VAV3: variants seen among roughly 807,000 people sequenced by gnomAD.
The protein encoded by VAV3 is vav guanine nucleotide exchange factor 3.
Under a neutral mutation model 131.2 loss-of-function variants are expected in VAV3, and 94 were observed. That is an observed-to-expected ratio of 0.72 (90% CI 0.61 to 0.85). The LOEUF (loss-of-function observed/expected upper bound fraction) is 0.85. Among genes scored for constraint, VAV3 ranks in the 40% least tolerant of loss-of-function variants. The pLI, the probability that VAV3 is intolerant of heterozygous loss-of-function variation, is 0.00. For synonymous variants in VAV3, 349 were observed against 342.0 expected (o/e 1.02, Z -0.22); for missense variants, 939 against 1,002.7 (o/e 0.94, Z 0.86).
At chr1:107,776,211 A>G (rs1366182095) in intron 4 of VAV3, among the ~76,000 whole-genome samples, 1 of 152,220 alleles carries the variant, frequency 6.6e-6, no homozygotes, top group Non-Finnish European at 1.5e-5. Context: ...GTTTTGACTT[A>G]TTAATTTGGA....
In VAV3 at chr1:107,705,015, T is replaced by TG. The variant is rs1378302831; in HGVS notation, c.1548dup (p.Lys517GlnfsTer30). Reference sequence around the variant, plus strand: ...GTGACTCGAGTGAAGGTATGCATCTTGAAGTCGTGGAAATTGGAGTCTGCA... The same window carrying TG: ...GTGACTCGAGTGAAGGTATGCATCTTGGAAGTCGTGGAAATTGGAGTCTGCA... On this transcript the variant is annotated frameshift_variant, in exon 16 of 27. Coordinates refer to ENST00000370056, the MANE Select transcript of VAV3 (RefSeq NM_006113.5). LOFTEE classifies it high-confidence loss of function. 1 of 1,613,886 alleles carries TG rather than the reference T, an allele frequency of 6.2e-7. No homozygotes were observed. The highest frequency in any genetic ancestry group is 8.5e-7 in the Non-Finnish European group (1 of 1,179,884).
chr1:107,926,157 G>A (rs1206969764), intron 1 of VAV3, among the ~76,000 whole-genome samples: 9 of 151,820 alleles, frequency 5.9e-5, no homozygotes, highest in East Asian at 1.9e-4. Context: ...TGGCAGGTGC[G>A]TGTAATACCA....
rs72977662 is a variant in VAV3 at position 107,705,551 on chromosome 1, G to T, written c.1503-490C>A. On this transcript the variant is annotated intron_variant, in intron 15 of 26. Coordinates refer to ENST00000370056, the MANE Select transcript of VAV3 (RefSeq NM_006113.5). Reference sequence around the variant, plus strand: ...TAGAAAGTTTTAAAATAAAGCATTAGTGTGAACATTAAAAAATTCTTAACA... The same window carrying T: ...TAGAAAGTTTTAAAATAAAGCATTATTGTGAACATTAAAAAATTCTTAACA... Among the ~76,000 whole-genome samples, 255 of 152,232 alleles carry T rather than the reference G, an allele frequency of 1.7e-3. 3 individuals are homozygous for T. Among genetic ancestry groups the T allele is most frequent in the Non-Finnish European group, 5.6e-4 (38 of 67,996 alleles).
intron 1 of VAV3, among the ~76,000 whole-genome samples, chr1:107,875,596 G>A (rs1048496642): frequency 2.6e-5 from 4 of 152,174 alleles, no homozygotes; most frequent in African/African-American, 9.6e-5. Context: ...GGGGGAAAAG[G>A]AGGAAAGATG....
chr1:107,590,400 G>C lies in VAV3; in HGVS notation c.2350+5812C>G. Among the ~76,000 whole-genome samples, 2 of 152,218 alleles carry C rather than the reference G, an allele frequency of 1.3e-5. 1 individual carries two copies. Among genetic ancestry groups the C allele is most frequent in the Non-Finnish European group, 2.9e-5 (2 of 68,004 alleles). On this transcript the variant is annotated intron_variant, in intron 25 of 26. Transcript: ENST00000370056. ...TACAATTGAGAATGACAAGCAAAGG[G>C]TCCTGGCTTCTAGGGCTCCAGCAAA... is the stretch of plus-strand genomic sequence containing the variant.
At chr1:107,688,229 T>A in intron 18 of VAV3, 152 bp downstream of exon 18, 1 of 992,952 alleles carries the variant, frequency 1.0e-6, no homozygotes, top group Non-Finnish European at 1.4e-6. Flanking sequence ...TTTTGCATTT[T>A]GTTCACAATC....
intron 8 of VAV3, among the ~76,000 whole-genome samples, chr1:107,765,671 C>A (rs1570920424): frequency 6.6e-6 from 1 of 152,128 alleles, no homozygotes; most frequent in Admixed American, 6.5e-5. Flanking sequence ...AAACGAGAGA[C>A]CTGAACTGTT....
At chr1:107,655,482 TA>T (rs1474092667) in intron 19 of VAV3, among the ~76,000 whole-genome samples, 2 of 152,048 alleles carry the variant, frequency 1.3e-5, no homozygotes, top group Non-Finnish European at 2.9e-5. Flanking sequence ...CAAACTATAT[TA>T]AAGACTTAAA....
chr1:107,908,928 A>G (rs1267091214), intron 1 of VAV3, among the ~76,000 whole-genome samples: 1 of 152,024 alleles, frequency 6.6e-6, no homozygotes, highest in African/African-American at 2.4e-5. Context: ...TCTCTACCTC[A>G]GCAAAATAAC....
intron 19 of VAV3, among the ~76,000 whole-genome samples, chr1:107,677,579 G>A (rs4915065): frequency 6.6e-6 from 1 of 151,992 alleles, no homozygotes; most frequent in Non-Finnish European, 1.5e-5. Context: ...ATAAATGTTC[G>A]AAGTAGCTCA....
At chr1:107,866,716 G>A (rs796702702) in intron 2 of VAV3, among the ~76,000 whole-genome samples, 19 of 151,250 alleles carry the variant, frequency 1.3e-4, no homozygotes, top group East Asian at 5.9e-4. Flanking sequence ...CCAGCTACTC[G>A]GGAGGCTGAG....
intron 2 of VAV3, among the ~76,000 whole-genome samples, chr1:107,825,286 A>G (rs1667964805): frequency 6.6e-6 from 1 of 152,130 alleles, no homozygotes; most frequent in South Asian, 2.1e-4. Flanking sequence ...GTATCATCAC[A>G]CTTATGGGTC....
At chr1:107,850,774 G>T (rs952249875) in intron 2 of VAV3, among the ~76,000 whole-genome samples, 1 of 151,854 alleles carries the variant, frequency 6.6e-6, no homozygotes, top group Non-Finnish European at 1.5e-5. Context: ...AATTTGTAGA[G>T]CCAGACTGAT....
At chr1:107,851,395 A>AG (rs1424185164) in intron 2 of VAV3, among the ~76,000 whole-genome samples, 4 of 135,836 alleles carry the variant, frequency 2.9e-5, no homozygotes, top group Non-Finnish European at 4.8e-5. Flanking sequence ...AAAAACACTC[A>AG]GAAAAAAAAA....
intron 1 of VAV3, among the ~76,000 whole-genome samples, chr1:107,888,699 TC>T (rs1239930309): frequency 6.6e-6 from 1 of 151,694 alleles, no homozygotes; most frequent in Non-Finnish European, 1.5e-5. Context: ...CCTCAAGTGA[TC>T]CCCCCGCCTC....
chr1:107,793,010 C>A (rs1277713008), intron 2 of VAV3, among the ~76,000 whole-genome samples: 2 of 152,030 alleles, frequency 1.3e-5, no homozygotes, highest in Non-Finnish European at 2.9e-5. Flanking sequence ...ATTTACCTCA[C>A]CCAAACAAAA....
intron 19 of VAV3, chr1:107,669,269 T>C: frequency 7.9e-7 from 1 of 1,272,172 alleles, no homozygotes; most frequent in East Asian, 5.6e-5. Context: ...CTCTTCTTTA[T>C]CCTTCGCTGT....
intron 20 of VAV3, among the ~76,000 whole-genome samples, chr1:107,642,064 C>T (rs1443916134): frequency 6.6e-6 from 1 of 152,042 alleles, no homozygotes; most frequent in Non-Finnish European, 1.5e-5. Context: ...AACTGTAATT[C>T]GGATAGTGTC....
chr1:107,603,628 T>C (rs948774700), intron 22 of VAV3, among the ~76,000 whole-genome samples: 1 of 152,226 alleles, frequency 6.6e-6, no homozygotes, highest in Non-Finnish European at 1.5e-5. Flanking sequence ...TTTTTTGTTA[T>C]GAGATTAATT....
Sources: gnomAD v4.1 joint callset for allele counts (sites outside exome capture counted in the v4.1 genomes callset) on GRCh38, gnomAD v4.1.1 for gene constraint, MANE v1.5 for transcripts, NCBI Gene and HGNC (gene_info 2026-07-23, HGNC 2026-07-21) for gene names.